SCAPER: variants seen among roughly 807,000 people sequenced by gnomAD.
SCAPER encodes the protein S-phase cyclin A associated protein in the ER.
In SCAPER, 98 loss-of-function variants were observed where a neutral mutation model predicts 182.2. The ratio of observed to expected loss-of-function variants is 0.54; its 90% CI spans 0.46 to 0.64. The LOEUF (loss-of-function observed/expected upper bound fraction) is 0.64, where lower values mean the gene tolerates loss of function less well. Among genes scored for constraint, SCAPER ranks in the 30% least tolerant of loss-of-function variants. The probability of loss-of-function intolerance (pLI) is 0.00; values close to 1 mark genes in which losing one functional copy is unlikely to be tolerated. For missense variants in SCAPER, 1,432 were observed against 1,690.0 expected (o/e 0.85, Z 2.68); for synonymous variants, 605 against 564.6 (o/e 1.07, Z -1.01).
Position 76,535,087 on chromosome 15 carries a change from A to G in SCAPER, c.2839-30113T>C, listed in dbSNP as rs149672677. On this transcript the variant is annotated intron_variant, in intron 23 of 31. Coordinates refer to ENST00000563290, the MANE Select transcript of SCAPER (RefSeq NM_020843.4). ...AGAAACATAGGGCTTAACTTGGGCC[A>G]CAAAAGCATGCTGGAGTTAGACACA... Among the ~76,000 whole-genome samples the G allele has an allele frequency of 5.6e-4, 85 of 152,320 alleles. 1 individual carries two copies. Among genetic ancestry groups the G allele is most frequent in the African/African-American group, 1.8e-3 (76 of 41,574 alleles).
At chr15:76,627,622 C>T (rs1013130533) in intron 21 of SCAPER, among the ~76,000 whole-genome samples, 1 of 152,290 alleles carries the variant, frequency 6.6e-6, no homozygotes, top group African/African-American at 2.4e-5. Flanking sequence ...AGAACATGAT[C>T]TCATTCCTTT....
intron 23 of SCAPER, among the ~76,000 whole-genome samples, chr15:76,517,692 T>G (rs2042543366): frequency 6.6e-6 from 1 of 152,164 alleles, no homozygotes; most frequent in Non-Finnish European, 1.5e-5. Flanking sequence ...TTATCAAAAC[T>G]AAGAAATTAT....
intron 22 of SCAPER, among the ~76,000 whole-genome samples, chr15:76,589,198 T>TG (rs1176972832): frequency 6.6e-6 from 1 of 151,916 alleles, no homozygotes; most frequent in African/African-American, 2.4e-5. Context: ...TTTGGTCTCC[T>TG]GCCAGGAGGT....
Position 76,905,336 on chromosome 15 carries a change from G to T in SCAPER, c.-97C>A, listed in dbSNP as rs942933832. ...TGCTTAGTTCGGGGCGGCTCAAAGC[G>T]TCCCGCCGGGAAAGGGGCGTGACGG... On this transcript the variant is annotated 5_prime_UTR_variant, in exon 1 of 32. Coordinates refer to ENST00000563290, the MANE Select transcript of SCAPER (RefSeq NM_020843.4). The T allele has an allele frequency of 1.7e-5, 4 of 235,386 alleles. No homozygotes were observed. The highest frequency in any genetic ancestry group is 3.5e-5 in the South Asian group (1 of 28,844). The allele number at this position is 235,386 out of a possible 1,614,324, so 14.6% of individuals were successfully genotyped here.
intron 21 of SCAPER, among the ~76,000 whole-genome samples, chr15:76,636,209 T>C (rs1208503852): frequency 6.6e-6 from 1 of 152,202 alleles, no homozygotes; most frequent in African/African-American, 2.4e-5. Flanking sequence ...AAAAATTCTT[T>C]CAGCACACTG....
At chr15:76,748,507 T>G (rs1464013234) in intron 15 of SCAPER, among the ~76,000 whole-genome samples, 2 of 151,658 alleles carry the variant, frequency 1.3e-5, no homozygotes, top group South Asian at 4.2e-4. Context: ...ACACTGGAAT[T>G]TGACAACATT....
intron 24 of SCAPER, among the ~76,000 whole-genome samples, chr15:76,480,551 T>G (rs569772864): frequency 6.6e-6 from 1 of 152,298 alleles, no homozygotes; most frequent in African/African-American, 2.4e-5. Flanking sequence ...CCAGCCTAAG[T>G]TGCTTCTAGG....
chr15:76,576,723 G>A (rs909955879), intron 22 of SCAPER: 2 of 152,202 alleles, frequency 1.3e-5, no homozygotes, highest in Non-Finnish European at 2.9e-5. Context: ...GGTGCAGACA[G>A]AGAGTCTATG....
At chr15:76,670,793 T>A (rs1247137726) in intron 20 of SCAPER, among the ~76,000 whole-genome samples, 2 of 152,208 alleles carry the variant, frequency 1.3e-5, no homozygotes, top group Non-Finnish European at 2.9e-5. Flanking sequence ...TATAAATACA[T>A]TTCAAGTCTT....
At chr15:76,708,370 C>A (rs541861086) in intron 17 of SCAPER, among the ~76,000 whole-genome samples, 6 of 148,084 alleles carry the variant, frequency 4.1e-5, no homozygotes, top group Admixed American at 6.8e-5. Flanking sequence ...AATAAAAATA[C>A]AGTATATCAA....
chr15:76,805,740 T>C (rs543825772), intron 5 of SCAPER, among the ~76,000 whole-genome samples: 1 of 152,018 alleles, frequency 6.6e-6, no homozygotes, highest in Non-Finnish European at 1.5e-5. Flanking sequence ...GCTAATTTTT[T>C]CTGTTTTTAG....
chr15:76,505,613 TG>T (rs2041504021), intron 23 of SCAPER, among the ~76,000 whole-genome samples: 1 of 152,156 alleles, frequency 6.6e-6, no homozygotes. Context: ...GGTGAGGATG[TG>T]GAGAGGGAAC....
chr15:76,556,635 A>T (rs1291753069), intron 23 of SCAPER, among the ~76,000 whole-genome samples: 2 of 152,176 alleles, frequency 1.3e-5, no homozygotes, highest in African/African-American at 4.8e-5. Context: ...GAAGAAACAG[A>T]TAAATTCCTG....
intron 23 of SCAPER, among the ~76,000 whole-genome samples, chr15:76,552,743 C>A (rs1274845323): frequency 6.6e-6 from 1 of 152,076 alleles, no homozygotes; most frequent in Non-Finnish European, 1.5e-5. Flanking sequence ...TCCATGCCTG[C>A]CCCCACCCCC....
chr15:76,805,758 G>A (rs764905370), intron 5 of SCAPER, among the ~76,000 whole-genome samples: 12 of 151,780 alleles, frequency 7.9e-5, no homozygotes, highest in Admixed American at 2.0e-4. Flanking sequence ...TAGTAGAGAC[G>A]GGGTTTCACT....
intron 17 of SCAPER, among the ~76,000 whole-genome samples, chr15:76,725,825 T>C (rs1489991836): frequency 6.6e-6 from 1 of 151,692 alleles, no homozygotes; most frequent in Non-Finnish European, 1.5e-5. Context: ...CCTTATACGA[T>C]ATACAAAAAT....
At chr15:76,857,668 A>G in intron 4 of SCAPER, 141 bp downstream of exon 4, 2 of 587,020 alleles carry the variant, frequency 3.4e-6, no homozygotes, top group South Asian at 2.6e-5. Flanking sequence ...TACCATATAC[A>G]CATTTGTTTT....
At chr15:76,492,550 G>A (rs2052422450) in intron 24 of SCAPER, among the ~76,000 whole-genome samples, 1 of 152,100 alleles carries the variant, frequency 6.6e-6, no homozygotes, top group African/African-American at 2.4e-5. Flanking sequence ...AATAGTATTT[G>A]AGATGAAAAA....
At chr15:76,530,297 A>C (rs1207440850) in intron 23 of SCAPER, among the ~76,000 whole-genome samples, 1 of 152,204 alleles carries the variant, frequency 6.6e-6, no homozygotes, top group Non-Finnish European at 1.5e-5. Flanking sequence ...ATTTGTTGCA[A>C]CTTATCCTTA....
Sources: gnomAD v4.1 joint callset for allele counts (sites outside exome capture counted in the v4.1 genomes callset) on GRCh38, gnomAD v4.1.1 for gene constraint, MANE v1.5 for transcripts, NCBI Gene and HGNC (gene_info 2026-07-23, HGNC 2026-07-21) for gene names.